The following ERCC6L2 variants were observed in gnomAD, a reference collection of about 807,000 sequenced individuals.
ERCC6L2 encodes the protein DNA excision repair protein ERCC-6-like 2.
Under a neutral mutation model 132.0 loss-of-function variants are expected in ERCC6L2, and 77 were observed. The observed-to-expected ratio is 0.58, with a 90% CI of 0.49 to 0.71. The LOEUF (loss-of-function observed/expected upper bound fraction) is 0.71. ERCC6L2 is among the 30% of genes least tolerant of loss of function. The probability of loss-of-function intolerance (pLI) is 0.00; values close to 1 mark genes in which losing one functional copy is unlikely to be tolerated. For synonymous variants in ERCC6L2, 583 were observed against 632.4 expected (o/e 0.92, Z 1.17); for missense variants, 1,542 against 1,837.6 (o/e 0.84, Z 2.94).
Position 96,017,646 on chromosome 9 carries a change from C to G in ERCC6L2, c.*4443C>G, listed in dbSNP as rs1834210097. On this transcript the variant is annotated 3_prime_UTR_variant, in exon 19 of 19. Transcript: ENST00000653738. The stretch of plus-strand genomic sequence containing the variant: ...GACCCACCTGCCTGACCTTCTGTCC[C>G]CCTGGGACACAGTATTTCCAGAGAG... 6.6e-6 allele frequency among the ~76,000 whole-genome samples: 1 copy of G among 152,204 alleles called. No homozygotes were observed. Among genetic ancestry groups the G allele is most frequent in the African/African-American group, 2.4e-5 (1 of 41,452 alleles).
chr9:95,989,015 G>A (rs545096191), intron 17 of ERCC6L2, among the ~76,000 whole-genome samples: 18 of 152,270 alleles, frequency 1.2e-4, no homozygotes, highest in Middle Eastern at 3.4e-3. Context: ...CATTTTATTA[G>A]GATAGAGATG....
intron 2 of ERCC6L2, among the ~76,000 whole-genome samples, chr9:95,882,576 T>C (rs1827649725): frequency 6.6e-6 from 1 of 152,266 alleles, no homozygotes; most frequent in African/African-American, 2.4e-5. Context: ...CCATTAGTTA[T>C]TGGAACTCAA....
chr9:95,971,994 A>G lies in ERCC6L2; in HGVS notation c.2243A>G (p.Lys748Arg), dbSNP rs1458128490. The change falls in exon 16 of 19, where the codon AAG (lysine) becomes AGG (arginine). Residue 748 changes from lysine to arginine, a missense_variant. By Grantham distance (26) the Lys-to-Arg change is conservative. Transcript: ENST00000653738. The stretch of plus-strand genomic sequence containing the variant: ...GAACAAGCTGCAGAGCCACTGGCAA[A>G]GGAAGCATGTGATCTCTGCAGTGAC... The part of the protein sequence containing the change: ...GTEQAAEPLA[K>R]EACDLCSDFS... The G allele has an allele frequency of 5.4e-6, 7 of 1,304,022 alleles. No homozygotes were observed. The East Asian group carries it at 3.9e-4, about 72-fold the overall frequency. 80.8% of individuals were successfully genotyped at this position (1,304,022 alleles called of 1,614,324 possible). A position where few individuals can be genotyped will look rare whatever the true frequency, so the allele number is the denominator to read the frequency against.
chr9:95,884,468 A>G (rs1827758836), intron 2 of ERCC6L2, among the ~76,000 whole-genome samples: 1 of 149,980 alleles, frequency 6.7e-6, no homozygotes, highest in Admixed American at 6.8e-5. Context: ...TGTTTGAGCT[A>G]TAGTTTTATC....
In ERCC6L2 at chr9:96,016,657, A is replaced by G. The variant is rs953009493; in HGVS notation, c.*3454A>G. 2.0e-5 allele frequency among the ~76,000 whole-genome samples: 3 copies of G among 152,240 alleles called. No homozygotes were observed. Among genetic ancestry groups the G allele is most frequent in the African/African-American group, 7.2e-5 (3 of 41,464 alleles). On this transcript the variant is annotated 3_prime_UTR_variant, in exon 19 of 19. Coordinates refer to ENST00000653738, the MANE Select transcript of ERCC6L2 (RefSeq NM_020207.7). ...TCCTTCCACAGAAAATGAGAAAGCC[A>G]CAGGAAATACACGGTTATTTTCTAA...
intron 2 of ERCC6L2, among the ~76,000 whole-genome samples, chr9:95,888,709 T>G (rs1828004187): frequency 6.6e-6 from 1 of 152,174 alleles, no homozygotes; most frequent in African/African-American, 2.4e-5. Context: ...CAAATCTCCT[T>G]GCATGTCAGT....
At chr9:95,963,715 T>TTAAA (rs1324440031) in intron 13 of ERCC6L2, among the ~76,000 whole-genome samples, 2 of 152,088 alleles carry the variant, frequency 1.3e-5, no homozygotes, top group Non-Finnish European at 2.9e-5. Context: ...GCCTGGAATA[T>TTAAA]TATCCAGGCT....
At chr9:95,878,507 C>CTT (rs139122656) in intron 1 of ERCC6L2, among the ~76,000 whole-genome samples, 20 of 148,124 alleles carry the variant, frequency 1.4e-4, no homozygotes, top group African/African-American at 3.7e-4. Context: ...TAAATGCCAG[C>CTT]TTTTTTTTTT....
At chr9:95,983,154 A>T (rs1832957290) in intron 17 of ERCC6L2, among the ~76,000 whole-genome samples, 1 of 152,216 alleles carries the variant, frequency 6.6e-6, no homozygotes, top group Admixed American at 6.5e-5. Flanking sequence ...TAGTACTCAG[A>T]ATATTTTAGA....
chr9:95,887,512 C>T (rs1237950065), intron 2 of ERCC6L2, among the ~76,000 whole-genome samples: 8 of 152,144 alleles, frequency 5.3e-5, no homozygotes, highest in Admixed American at 4.6e-4. Context: ...ATTTTATTTT[C>T]TCATCTGCTA....
intron 3 of ERCC6L2, among the ~76,000 whole-genome samples, chr9:95,902,706 A>T (rs1399218694): frequency 6.6e-6 from 1 of 152,140 alleles, no homozygotes; most frequent in Non-Finnish European, 1.5e-5. Flanking sequence ...TTTCGTTTGC[A>T]CTAGGTATTA....
chr9:96,029,161 G>A (rs539065612), intron 19 of ERCC6L2, among the ~76,000 whole-genome samples: 4 of 151,836 alleles, frequency 2.6e-5, no homozygotes, highest in Non-Finnish European at 5.9e-5. Flanking sequence ...AAAATTAGCC[G>A]GGCGTGGTGG....
At chr9:95,981,736 G>A (rs1832901743) in intron 17 of ERCC6L2, among the ~76,000 whole-genome samples, 1 of 152,114 alleles carries the variant, frequency 6.6e-6, no homozygotes, top group South Asian at 2.1e-4. Context: ...AGTATGTCAC[G>A]GAGCTGAACT....
intron 18 of ERCC6L2, among the ~76,000 whole-genome samples, chr9:96,007,911 A>T (rs1039600079): frequency 3.3e-5 from 5 of 151,686 alleles, no homozygotes; most frequent in African/African-American, 1.2e-4. Flanking sequence ...GGGTTTGGCG[A>T]CTCCCAGGCA....
chr9:95,883,548 C>T (rs1023996855), intron 2 of ERCC6L2, among the ~76,000 whole-genome samples: 2 of 152,146 alleles, frequency 1.3e-5, no homozygotes, highest in African/African-American at 4.8e-5. Flanking sequence ...TTTGATTAGC[C>T]AGTGCATGTT....
At chr9:95,878,511 T>C (rs1184603608) in intron 1 of ERCC6L2, among the ~76,000 whole-genome samples, 3 of 152,084 alleles carry the variant, frequency 2.0e-5, no homozygotes, top group Non-Finnish European at 4.4e-5. Flanking sequence ...TGCCAGCTTT[T>C]TTTTTTATTA....
intron 1 of ERCC6L2, among the ~76,000 whole-genome samples, chr9:95,877,831 T>C (rs1325125570): frequency 6.6e-6 from 1 of 150,522 alleles, no homozygotes; most frequent in South Asian, 2.1e-4. Flanking sequence ...AAAAAGAATG[T>C]GTAATAAATT....
chr9:95,883,095 C>A (rs944025199), intron 2 of ERCC6L2, among the ~76,000 whole-genome samples: 1 of 152,136 alleles, frequency 6.6e-6, no homozygotes. Flanking sequence ...CAGGAAAGGA[C>A]CCCCAGGCCT....
intron 13 of ERCC6L2, among the ~76,000 whole-genome samples, chr9:95,961,861 G>A (rs1166884547): frequency 2.0e-5 from 3 of 152,106 alleles, no homozygotes; most frequent in Non-Finnish European, 4.4e-5. Context: ...CTTGCATGGA[G>A]GCAGGCAAAG....
Sources: gnomAD v4.1 joint callset for allele counts (sites outside exome capture counted in the v4.1 genomes callset) on GRCh38, gnomAD v4.1.1 for gene constraint, MANE v1.5 for transcripts, NCBI Gene and HGNC (gene_info 2026-07-23, HGNC 2026-07-21) for gene names.